IMPACT: variants seen among roughly 807,000 people sequenced by gnomAD.
IMPACT encodes protein IMPACT.
A neutral mutation model predicts 47.5 loss-of-function variants in IMPACT; 35 were observed. The ratio of observed to expected loss-of-function variants is 0.74; its 90% confidence interval spans 0.56 to 0.98. The LOEUF (loss-of-function observed/expected upper bound fraction) is 0.98. IMPACT is among the 50% of genes least tolerant of loss of function. The probability of loss-of-function intolerance (pLI) is 0.00; values close to 1 mark genes in which losing one functional copy is unlikely to be tolerated. For missense variants in IMPACT, 373 were observed against 394.8 expected (o/e 0.94, Z 0.47); for synonymous variants, 118 against 125.6 (o/e 0.94, Z 0.40).
intron 7 of IMPACT, among the ~76,000 whole-genome samples, chr18:24,444,857 A>G (rs1909207901): frequency 6.6e-6 from 1 of 152,152 alleles, no homozygotes; most frequent in African/African-American, 2.4e-5. Flanking sequence ...CAGTCCCTGT[A>G]TTTTGCATAT....
intron 7 of IMPACT, among the ~76,000 whole-genome samples, chr18:24,445,025 C>T (rs1461273987): frequency 1.3e-5 from 2 of 152,200 alleles, no homozygotes; most frequent in Non-Finnish European, 2.9e-5. Context: ...GAACATACCA[C>T]TATTGTACAC....
Position 24,426,794 on chromosome 18 carries a change from T to TGAGG in IMPACT, c.36+3_36+6dup. The TGAGG allele has an allele frequency of 8.1e-7, 1 of 1,239,530 alleles. No individual in the cohort carries two copies. The highest frequency in any genetic ancestry group is 1.0e-6 in the Non-Finnish European group (1 of 988,648). The allele number at this position is 1,239,530 out of a possible 1,614,324, so 76.8% of individuals were successfully genotyped here. A position where few individuals can be genotyped will look rare whatever the true frequency, so the allele number is the denominator to read the frequency against. ...GACGCAGGGAGCGACCAGAGGCAGG[T>TGAGG]GAGGCCCCGGCGGGGTGCTGTCTCT... On this transcript the variant is annotated splice_region_variant and intron_variant, in intron 1 of 10. Coordinates refer to ENST00000284202, the MANE Select transcript of IMPACT (RefSeq NM_018439.4).
intron 5 of IMPACT, among the ~76,000 whole-genome samples, chr18:24,438,757 G>A (rs999817891): frequency 6.6e-6 from 1 of 152,080 alleles, no homozygotes; most frequent in Non-Finnish European, 1.5e-5. Context: ...GTGAGTCACT[G>A]TGCCTATTGT....
In IMPACT at chr18:24,440,601, T is replaced by G. The variant is rs751636128; in HGVS notation, c.473T>G (p.Ile158Ser). The G allele has an allele frequency of 3.7e-6, 6 of 1,613,004 alleles. No individual in the cohort carries two copies. The South Asian group carries it at 6.6e-5, about 18-fold the overall frequency. The change falls in exon 6 of 11, where the codon ATC (isoleucine) becomes AGC (serine). Residue 158 changes from isoleucine (I) to serine (S), a missense_variant. Transcript: ENST00000284202. ...TCGCTTAAAGCATTGGATTTTGATA[T>G]CAGTGAAACTCGGACAGGTATAATG... ...ESSLKALDFD[I>S]SETRTEVEVE...
Position 24,449,949 on chromosome 18 carries a change from C to G in IMPACT, c.890C>G (p.Ser297Ter), listed in dbSNP as rs1461157399. Reference sequence around the variant, plus strand: ...CTAGTGGAAAAGAACTACACAAATTCACCTGTAAGTGGCTCTTCGTACTAC... The same window carrying G: ...CTAGTGGAAAAGAACTACACAAATTGACCTGTAAGTGGCTCTTCGTACTAC... The part of the protein sequence containing the change: ...NILVEKNYTN[S>*]PEESSKALGK... The change falls in exon 10 of 11, where the codon TCA (serine) becomes TGA (stop). Residue 297 changes from serine (S) to a stop codon, truncating the protein, a stop_gained. Coordinates refer to ENST00000284202, the MANE Select transcript of IMPACT (RefSeq NM_018439.4). LOFTEE classifies it high-confidence loss of function. 1 of 1,613,928 alleles carries G rather than the reference C, an allele frequency of 6.2e-7. No homozygotes were observed. Among genetic ancestry groups the G allele is most frequent in the Non-Finnish European group, 8.5e-7 (1 of 1,179,886 alleles).
chr18:24,442,143 A>G (rs1284899513), intron 6 of IMPACT, among the ~76,000 whole-genome samples: 1 of 146,690 alleles, frequency 6.8e-6, no homozygotes, highest in Non-Finnish European at 1.5e-5. Context: ...AGGGTTAATT[A>G]GTGATTCTTT....
chr18:24,449,904 A>G lies in IMPACT; in HGVS notation c.845A>G (p.Asn282Ser), dbSNP rs370883472. 8.1e-6 allele frequency: 13 copies of G among 1,613,966 alleles called. No homozygotes were observed. Among genetic ancestry groups the G allele is most frequent in the Middle Eastern group, 1.6e-4 (1 of 6,062 alleles). Residue 282 changes from asparagine to serine, a missense_variant, in exon 10 of 11, where the codon AAC (asparagine) becomes AGC (serine). Physicochemically the swap from Asn to Ser is conservative, Grantham distance 46. Transcript: ENST00000284202. ...GGACCAGATCGCTTTAAACATATCA[A>G]CAACTGTGCCAGAAACATACTAGTG... is the stretch of plus-strand genomic sequence containing the variant. ...LLGPDRFKHINNCARNILVEK... is the reference protein window; with the variant it reads ...LLGPDRFKHISNCARNILVEK...
rs780784548 is a variant in IMPACT at position 24,427,984 on chromosome 18, C to G, written c.102C>G (p.Ala34=). Residue 34 remains alanine (A), a synonymous_variant, in exon 2 of 11, where the codon GCC becomes GCG. Coordinates refer to ENST00000284202, the MANE Select transcript of IMPACT (RefSeq NM_018439.4). ...AGTGGTGTGTCATTGATGACTGTGC[C>G]AAAATATTTTGTATTAGAATTAGCG... ...GEEWCVIDDC[A]KIFCIRISDD... is the part of the protein sequence containing the mutation. The G allele has an allele frequency of 1.4e-5, 22 of 1,601,144 alleles. No homozygotes were observed. The highest frequency in any genetic ancestry group is 1.9e-5 in the Non-Finnish European group (22 of 1,176,272).
intron 1 of IMPACT, 154 bp downstream of exon 1, chr18:24,426,946 G>T (rs1030708843): frequency 3.8e-6 from 2 of 523,694 alleles, no homozygotes; most frequent in African/African-American, 4.0e-5. Flanking sequence ...CATTTTCCCG[G>T]CGCTTCCCGT....
intron 8 of IMPACT, among the ~76,000 whole-genome samples, chr18:24,446,503 C>T (rs966501758): frequency 9.2e-5 from 14 of 152,070 alleles, no homozygotes; most frequent in Non-Finnish European, 1.8e-4. Flanking sequence ...TGAAAAAATA[C>T]GCAAATTTGT....
intron 6 of IMPACT, among the ~76,000 whole-genome samples, chr18:24,441,793 A>G (rs1909121452): frequency 1.3e-5 from 2 of 152,180 alleles, no homozygotes; most frequent in South Asian, 2.1e-4. Context: ...GCTCTCATTT[A>G]TGCTCTAGCC....
intron 2 of IMPACT, among the ~76,000 whole-genome samples, chr18:24,428,663 G>A (rs34548911): frequency 0.2 from 30,366 of 152,122 alleles, 3,831 homozygotes; most frequent in Middle Eastern, 0.35. Context: ...TAGGATTTTT[G>A]TAGTATTTCT....
intron 1 of IMPACT, 49 bp from the exon 2 acceptor site, chr18:24,427,870 T>C (rs1161552829): frequency 1.3e-6 from 2 of 1,537,332 alleles, no homozygotes; most frequent in African/African-American, 1.4e-5. Flanking sequence ...AAGAATAGGA[T>C]TTTAAGATGT....
Position 24,432,991 on chromosome 18 carries a change from G to A in IMPACT, c.281+2607G>A, listed in dbSNP as rs1036589564. On this transcript the variant is annotated intron_variant, in intron 4 of 10. Coordinates refer to ENST00000284202, the MANE Select transcript of IMPACT (RefSeq NM_018439.4). The stretch of plus-strand genomic sequence containing the variant: ...ACTAAAAGATACCTTCCCACAGGAC[G>A]CAACTTTCCTTTTCTCTTTAACTAG... 3.3e-5 allele frequency among the ~76,000 whole-genome samples: 5 copies of A among 152,128 alleles called. No homozygotes were observed. The South Asian group carries it at 1.0e-3, about 32-fold the overall frequency.
In IMPACT at chr18:24,450,842, C is replaced by T. The variant is rs771489859; in HGVS notation, c.958C>T (p.His320Tyr). The T allele has an allele frequency of 1.3e-6, 2 of 1,578,006 alleles. No individual in the cohort carries two copies. The highest frequency in any genetic ancestry group is 1.1e-5 in the South Asian group (1 of 89,842). Reference protein sequence around the residue: ...KVRKDKKRNEH With the variant: ...KVRKDKKRNEY ...AAGAAAAGACAAGAAGAGGAATGAACATTAATACCTGAAACTATAGGAAAG... is the reference window on the plus strand; with the variant it reads ...AAGAAAAGACAAGAAGAGGAATGAATATTAATACCTGAAACTATAGGAAAG... Residue 320 changes from histidine (H) to tyrosine (Y), a missense_variant, in exon 11 of 11, where the codon CAT (histidine) becomes TAT (tyrosine). Coordinates refer to ENST00000284202, the MANE Select transcript of IMPACT (RefSeq NM_018439.4).
intron 9 of IMPACT, among the ~76,000 whole-genome samples, chr18:24,449,093 G>A (rs1417976281): frequency 6.6e-6 from 1 of 152,192 alleles, no homozygotes; most frequent in African/African-American, 2.4e-5. Flanking sequence ...AGGTATGGTG[G>A]CTCACACCTG....
rs1033652194 is a variant in IMPACT at position 24,451,137 on chromosome 18, G to T, written c.*290G>T. ...GCCCAGGGCAGTACCTGAATTAACT[G>T]TCCATTTCAGTACATGTCAAGTGCC... On this transcript the variant is annotated 3_prime_UTR_variant, in exon 11 of 11. Coordinates refer to ENST00000284202, the MANE Select transcript of IMPACT (RefSeq NM_018439.4). The T allele has an allele frequency of 3.9e-5, 9 of 230,998 alleles. No homozygotes were observed. Among genetic ancestry groups the T allele is most frequent in the African/African-American group, 1.6e-4 (7 of 44,090 alleles). 14.3% of individuals were successfully genotyped at this position (230,998 alleles called of 1,614,324 possible). A position where few individuals can be genotyped will look rare whatever the true frequency, so the allele number is the denominator to read the frequency against.
chr18:24,444,516 C>T (rs954002412), intron 7 of IMPACT, among the ~76,000 whole-genome samples: 3 of 152,204 alleles, frequency 2.0e-5, no homozygotes, highest in Non-Finnish European at 2.9e-5. Flanking sequence ...CACCTTCACA[C>T]ATGTAATCTT....
At position 24,426,670 on chromosome 18, in the gene IMPACT, A is replaced by G. The variant is rs536713824; in HGVS notation, c.-87A>G. The G allele has an allele frequency of 1.9e-6, 2 of 1,035,998 alleles. No individual in the cohort carries two copies. Among genetic ancestry groups the G allele is most frequent in the Non-Finnish European group, 2.5e-6 (2 of 810,120 alleles). 64.2% of individuals were successfully genotyped at this position (1,035,998 alleles called of 1,614,324 possible). A position where few individuals can be genotyped will look rare whatever the true frequency, so the allele number is the denominator to read the frequency against. On this transcript the variant is annotated 5_prime_UTR_variant, in exon 1 of 11. Coordinates refer to ENST00000284202, the MANE Select transcript of IMPACT (RefSeq NM_018439.4). ...GTGGTTCCGGGTCGGGCCGCGCCGC[A>G]GCCAGCTCTCGGCTCGCAGCCGCAG...
Sources: allele counts gnomAD v4.1 joint callset (sites outside exome capture counted in the v4.1 genomes callset), GRCh38; gene constraint gnomAD v4.1.1; transcripts MANE v1.5; gene names NCBI Gene and HGNC (gene_info 2026-07-23, HGNC 2026-07-21).